The following L3MBTL4 variants were observed in gnomAD, a reference collection of about 807,000 sequenced individuals.
L3MBTL4 encodes the protein L3MBTL histone methyl-lysine binding protein 4.
A neutral mutation model predicts 84.5 loss-of-function variants in L3MBTL4; 70 were observed. The ratio of observed to expected loss-of-function variants is 0.83; its 90% CI spans 0.68 to 1.01. The LOEUF (loss-of-function observed/expected upper bound fraction) is 1.01. L3MBTL4 is among the 50% of genes least tolerant of loss of function. The pLI, the probability that L3MBTL4 is intolerant of heterozygous loss-of-function variation, is 0.00. For synonymous variants in L3MBTL4, 274 were observed against 259.8 expected (o/e 1.05, Z -0.52); for missense variants, 715 against 754.8 (o/e 0.95, Z 0.62).
chr18:6,399,436 AAAAAAAAG>A (rs1246116017), intron 1 of L3MBTL4, among the ~76,000 whole-genome samples: 12 of 151,468 alleles, frequency 7.9e-5, no homozygotes, highest in Admixed American at 2.6e-4. Context: ...ACTCCATCAC[AAAAAAAAG>A]AAAAAAAGAA....
chr18:6,315,051 A>T (rs1012243603), intron 1 of L3MBTL4, among the ~76,000 whole-genome samples: 1 of 152,224 alleles, frequency 6.6e-6, no homozygotes, highest in African/African-American at 2.4e-5. Context: ...TAGGTAAGAA[A>T]TATACATAAA....
intron 16 of L3MBTL4, among the ~76,000 whole-genome samples, chr18:6,000,794 A>G (rs1205686678): frequency 1.3e-5 from 2 of 152,226 alleles, no homozygotes; most frequent in East Asian, 3.8e-4. Context: ...TACAGCATCC[A>G]GTCAAGCATC....
chr18:6,378,679 T>A (rs532219444), intron 1 of L3MBTL4, among the ~76,000 whole-genome samples: 1 of 152,220 alleles, frequency 6.6e-6, no homozygotes, highest in Admixed American at 6.5e-5. Context: ...TTGGTCTATA[T>A]GTCTGTTTTG....
At chr18:6,030,583 C>T in intron 16 of L3MBTL4, 1 of 765,808 alleles carries the variant, frequency 1.3e-6, no homozygotes, top group Non-Finnish European at 1.6e-6. Flanking sequence ...CTCACTGCCT[C>T]CACCTCCCAG....
Position 6,239,919 on chromosome 18 carries a change from C to T in L3MBTL4, c.553-47G>A, listed in dbSNP as rs372093146. 4.0e-4 allele frequency: 645 copies of T among 1,603,038 alleles called. 2 individuals carry two copies. Among genetic ancestry groups the T allele is most frequent in the Admixed American group, 6.4e-4 (38 of 59,830 alleles). On this transcript the variant is annotated intron_variant, in intron 8 of 18. Coordinates refer to ENST00000317931, the MANE Select transcript of L3MBTL4 (RefSeq NM_001330559.2). ...AAGAAGCACAAAAAGAAACAGGACA[C>T]CAAATAGGACTGAGCCACTGTCAAA...
chr18:6,331,635 G>A (rs1233379875), intron 1 of L3MBTL4, among the ~76,000 whole-genome samples: 1 of 152,126 alleles, frequency 6.6e-6, no homozygotes, highest in African/African-American at 2.4e-5. Context: ...AATCAAGTAT[G>A]TATAAACTCG....
At chr18:6,284,424 G>A (rs927500516) in intron 4 of L3MBTL4, among the ~76,000 whole-genome samples, 6 of 152,142 alleles carry the variant, frequency 3.9e-5, no homozygotes, top group Admixed American at 6.5e-5. Flanking sequence ...TCCCTCCTGG[G>A]AAAGTCGAAG....
At chr18:6,092,337 G>A (rs1040442557) in intron 15 of L3MBTL4, among the ~76,000 whole-genome samples, 9 of 152,126 alleles carry the variant, frequency 5.9e-5, no homozygotes, top group Non-Finnish European at 8.8e-5. Context: ...ATAAACTGGC[G>A]CCCCCTTGAA....
intron 3 of L3MBTL4, among the ~76,000 whole-genome samples, chr18:6,310,132 C>T (rs2050761670): frequency 6.6e-6 from 1 of 152,206 alleles, no homozygotes; most frequent in Non-Finnish European, 1.5e-5. Flanking sequence ...CCCAGAATAA[C>T]TCTGAACACA....
intron 16 of L3MBTL4, chr18:6,029,609 G>C: frequency 1.0e-6 from 1 of 984,882 alleles, no homozygotes; most frequent in Non-Finnish European, 1.2e-6. Flanking sequence ...TAAGAAGGAC[G>C]CAAGTTCTAC....
At chr18:6,375,923 G>A (rs17502523) in intron 1 of L3MBTL4, among the ~76,000 whole-genome samples, 40,518 of 152,038 alleles carry the variant, frequency 0.27, 6,289 homozygotes, top group Admixed American at 0.37. Context: ...GTTTAGACAC[G>A]CTAAAAACAT....
intron 13 of L3MBTL4, among the ~76,000 whole-genome samples, chr18:6,159,358 G>C (rs908163860): frequency 6.6e-6 from 1 of 152,192 alleles, no homozygotes. Flanking sequence ...CAGGACCAGA[G>C]ACCCCACTCT....
At chr18:6,157,786 A>G (rs1253483454) in intron 13 of L3MBTL4, among the ~76,000 whole-genome samples, 3 of 152,230 alleles carry the variant, frequency 2.0e-5, no homozygotes, top group Non-Finnish European at 2.9e-5. Flanking sequence ...CATAATGATA[A>G]TTTAATTTAC....
At chr18:6,151,316 G>T (rs2042884728) in intron 13 of L3MBTL4, among the ~76,000 whole-genome samples, 1 of 152,178 alleles carries the variant, frequency 6.6e-6, no homozygotes, top group Non-Finnish European at 1.5e-5. Context: ...TTCAAGGTTT[G>T]TAACTTGCAG....
intron 16 of L3MBTL4, among the ~76,000 whole-genome samples, chr18:5,992,858 G>C (rs149993139): frequency 6.6e-6 from 1 of 152,166 alleles, no homozygotes; most frequent in Non-Finnish European, 1.5e-5. Flanking sequence ...CTGCAGAACC[G>C]TGAGCCAATA....
chr18:6,377,352 T>C (rs533845047), intron 1 of L3MBTL4, among the ~76,000 whole-genome samples: 1 of 152,320 alleles, frequency 6.6e-6, no homozygotes, highest in Non-Finnish European at 1.5e-5. Flanking sequence ...CTTTAAGTTC[T>C]AGGGTACATG....
At chr18:6,044,838 T>C (rs1431812246) in intron 16 of L3MBTL4, among the ~76,000 whole-genome samples, 1 of 152,154 alleles carries the variant, frequency 6.6e-6, no homozygotes, top group African/African-American at 2.4e-5. Context: ...CTAAAGACCA[T>C]AGAATTTTGC....
chr18:6,078,362 G>A (rs2057934684), intron 16 of L3MBTL4, among the ~76,000 whole-genome samples: 1 of 140,264 alleles, frequency 7.1e-6, no homozygotes, highest in Non-Finnish European at 1.5e-5. Flanking sequence ...AGGAAGTGGA[G>A]ATTGCAGTGA....
intron 13 of L3MBTL4, among the ~76,000 whole-genome samples, chr18:6,165,740 A>T (rs1464097051): frequency 6.6e-6 from 1 of 152,238 alleles, no homozygotes; most frequent in Non-Finnish European, 1.5e-5. Flanking sequence ...CAAATTGTAA[A>T]GACCATCAAG....
Sources: allele counts gnomAD v4.1 joint callset (sites outside exome capture counted in the v4.1 genomes callset), GRCh38; gene constraint gnomAD v4.1.1; transcripts MANE v1.5; gene names NCBI Gene and HGNC (gene_info 2026-07-23, HGNC 2026-07-21).